Variants in CCDC3 observed in about 807,000 individuals in gnomAD.
CCDC3 encodes the protein coiled-coil domain containing 3, also known as coiled-coil domain-containing protein 3.
A neutral mutation model predicts 21.4 loss-of-function variants in CCDC3; 24 were observed. That is an observed-to-expected ratio of 1.12 (90% CI 0.81 to 1.58). The LOEUF is 1.58. Among genes scored for constraint, CCDC3 ranks in the 40% most tolerant of loss-of-function variants. The pLI is 0.00. For synonymous variants in CCDC3, 186 were observed against 166.0 expected, an observed-to-expected ratio of 1.12 and a Z score of -0.93; for missense variants, 425 against 360.9, an observed-to-expected ratio of 1.18 and a Z score of -1.44.
At chr10:13,047,819 A>G (rs1172517537) in intron 5 of CCDC3, among the ~76,000 whole-genome samples, 1 of 152,178 alleles carries the variant, frequency 6.6e-6, no homozygotes, top group Non-Finnish European at 1.5e-5. Flanking sequence ...ACAGGTCTCA[A>G]TCAACTTAGA....
At chr10:13,049,205 T>C (rs532596748) in intron 5 of CCDC3, among the ~76,000 whole-genome samples, 21 of 152,328 alleles carry the variant, frequency 1.4e-4, no homozygotes, top group African/African-American at 4.8e-4. Context: ...ATCATAAATA[T>C]TTGGTGAATA....
At chr10:13,080,561 A>G (rs904763884) in intron 3 of CCDC3, among the ~76,000 whole-genome samples, 1 of 152,224 alleles carries the variant, frequency 6.6e-6, no homozygotes, top group East Asian at 1.9e-4. Flanking sequence ...TAAAAGGTTA[A>G]AAAAAGGTGC....
intron 2 of CCDC3, among the ~76,000 whole-genome samples, chr10:12,899,649 A>G (rs1156936892): frequency 6.6e-6 from 1 of 152,230 alleles, no homozygotes; most frequent in Non-Finnish European, 1.5e-5. Context: ...ATGGTGGTGT[A>G]GCAATGTCTA....
chr10:12,992,519 C>T (rs58952211), intron 2 of CCDC3, among the ~76,000 whole-genome samples: 31,960 of 152,064 alleles, frequency 0.21, 4,079 homozygotes, highest in African/African-American at 0.36. Context: ...CCGGATGGAA[C>T]TGGAGACCAC....
intron 2 of CCDC3, among the ~76,000 whole-genome samples, chr10:12,972,848 T>C (rs994045228): frequency 7.6e-6 from 1 of 130,920 alleles, no homozygotes; most frequent in Non-Finnish European, 1.7e-5. Context: ...AAATAAGGAA[T>C]GGCATAAACC....
At chr10:12,929,137 C>G (rs1695070910) in intron 2 of CCDC3, among the ~76,000 whole-genome samples, 1 of 151,948 alleles carries the variant, frequency 6.6e-6, no homozygotes, top group Non-Finnish European at 1.5e-5. Context: ...TGGCAGGCAC[C>G]TGTAATCCCA....
rs565860741 is a variant in CCDC3, at chr10:13,088,447, A to G, written c.-503+10078T>C. Among the ~76,000 whole-genome samples the G allele has an allele frequency of 1.8e-4, 28 of 152,362 alleles. 1 individual carries two copies. The South Asian group carries it at 5.6e-3, about 30-fold the overall frequency. On this transcript the variant is annotated intron_variant, in intron 3 of 6. Transcript: ENST00000378839. ...AAAATGACATCGCCCCAAATCCAGC[A>G]GAGTCAATATCATCAAACTATAATT... is the stretch of plus-strand genomic sequence containing the variant.
At chr10:13,025,498 G>C (rs891496747) in intron 5 of CCDC3, among the ~76,000 whole-genome samples, 1 of 152,112 alleles carries the variant, frequency 6.6e-6, no homozygotes, top group Non-Finnish European at 1.5e-5. Context: ...GCCTTCATTT[G>C]GTTGAACAAA....
intron 4 of CCDC3, among the ~76,000 whole-genome samples, chr10:13,052,756 A>G (rs541800608): frequency 5.3e-5 from 8 of 152,136 alleles, no homozygotes; most frequent in Non-Finnish European, 1.2e-4. Flanking sequence ...CCTGGCCAGC[A>G]TGGTGAAACC....
rs181893162 is a variant in CCDC3, at chr10:13,028,418, T to A, written c.-2+21256A>T. On this transcript the variant is annotated intron_variant, in intron 5 of 6. Coordinates refer to the CCDC3 transcript ENST00000378839. The stretch of plus-strand genomic sequence containing the variant: ...CACCCAATCTTGGGTATGTATTTAT[T>A]AGCAGCATGAGAACAGACTAATACA... Among the ~76,000 whole-genome samples the A allele has an allele frequency of 5.3e-5, 8 of 152,322 alleles. No individual in the cohort carries two copies. In the East Asian group the frequency reaches 1.5e-3, roughly 29 times the overall value.
chr10:13,072,871 T>C (rs1472758238), intron 4 of CCDC3, among the ~76,000 whole-genome samples: 2 of 71,818 alleles, frequency 2.8e-5, no homozygotes, highest in African/African-American at 1.2e-4. Flanking sequence ...TTCTTTCTTT[T>C]TTTTTTTTTT....
At chr10:13,076,631 C>T (rs996718304) in intron 3 of CCDC3, among the ~76,000 whole-genome samples, 5 of 152,212 alleles carry the variant, frequency 3.3e-5, no homozygotes, top group African/African-American at 1.2e-4. Context: ...TGCTCACAGG[C>T]ACATAGTACA....
chr10:13,080,147 C>G (rs1172324483), intron 3 of CCDC3, among the ~76,000 whole-genome samples: 1 of 151,912 alleles, frequency 6.6e-6, no homozygotes, highest in African/African-American at 2.4e-5. Context: ...TGGATCCCAC[C>G]CAGCCCAAGA....
intron 5 of CCDC3, among the ~76,000 whole-genome samples, chr10:13,038,303 C>T (rs890543652): frequency 9.5e-5 from 14 of 147,596 alleles, no homozygotes; most frequent in East Asian, 2.0e-4. Context: ...CAGCAAACCA[C>T]GGTGACACAC....
At chr10:13,017,781 A>G (rs759085414) in intron 5 of CCDC3, among the ~76,000 whole-genome samples, 2 of 152,120 alleles carry the variant, frequency 1.3e-5, no homozygotes, top group Non-Finnish European at 2.9e-5. Context: ...AACAGACTCT[A>G]TCCCATTGGG....
intron 5 of CCDC3, among the ~76,000 whole-genome samples, chr10:13,047,625 A>G (rs923297800): frequency 4.6e-5 from 7 of 152,146 alleles, no homozygotes; most frequent in Non-Finnish European, 1.0e-4. Context: ...GTACATATAA[A>G]GAGACTTCAG....
At chr10:13,021,386 T>G (rs558555364) in intron 5 of CCDC3, among the ~76,000 whole-genome samples, 18 of 152,326 alleles carry the variant, frequency 1.2e-4, no homozygotes, top group Non-Finnish European at 2.5e-4. Flanking sequence ...ACTCTCTCCT[T>G]GTTTTAGTAT....
chr10:13,020,852 A>G (rs1836136334), intron 5 of CCDC3, among the ~76,000 whole-genome samples: 1 of 152,232 alleles, frequency 6.6e-6, no homozygotes, highest in Non-Finnish European at 1.5e-5. Context: ...TTTTCACAAA[A>G]AAAACTTATT....
At chr10:13,026,517 G>A (rs1836218472) in intron 5 of CCDC3, among the ~76,000 whole-genome samples, 2 of 151,912 alleles carry the variant, frequency 1.3e-5, no homozygotes, top group African/African-American at 4.8e-5. Flanking sequence ...GAATATGAGT[G>A]CTTCATGTTT....
Sources: allele counts gnomAD v4.1 joint callset (sites outside exome capture counted in the v4.1 genomes callset), GRCh38; gene constraint gnomAD v4.1.1; transcripts MANE v1.5; gene names NCBI Gene and HGNC (gene_info 2026-07-23, HGNC 2026-07-21).